The following LEKR1 variants were observed in gnomAD, a reference collection of about 807,000 sequenced individuals.
LEKR1 encodes the protein protein LEKR1.
A neutral mutation model predicts 72.4 loss-of-function variants in LEKR1; 59 were observed. The ratio of observed to expected loss-of-function variants is 0.82; its 90% CI spans 0.66 to 1.01. The LOEUF is 1.01. Ranked by LOEUF, LEKR1 falls within the 50% of genes least tolerant of loss-of-function variation. LEKR1 has a pLI of 0.00. For synonymous variants in LEKR1, 257 were observed against 263.2 expected (o/e 0.98, Z 0.23); for missense variants, 728 against 759.2 (o/e 0.96, Z 0.48).
At chr3:156,835,555 G>T (rs1712997884) in intron 2 of LEKR1, among the ~76,000 whole-genome samples, 1 of 152,172 alleles carries the variant, frequency 6.6e-6, no homozygotes, top group African/African-American at 2.4e-5. Flanking sequence ...TGAGGCTACT[G>T]GGCAACCCAA....
At chr3:156,974,317 C>T (rs1400256641) in intron 6 of LEKR1, among the ~76,000 whole-genome samples, 2 of 152,092 alleles carry the variant, frequency 1.3e-5, no homozygotes, top group Non-Finnish European at 2.9e-5. Flanking sequence ...ATTTTTAAAA[C>T]ACCTTCAAAA....
intron 2 of LEKR1, among the ~76,000 whole-genome samples, chr3:156,846,985 A>T (rs1253212693): frequency 6.6e-6 from 1 of 151,940 alleles, no homozygotes; most frequent in Non-Finnish European, 1.5e-5. Context: ...GCTAATTTTT[A>T]AAAAATTTTT....
intron 3 of LEKR1, among the ~76,000 whole-genome samples, chr3:156,871,125 G>T (rs1051185408): frequency 6.6e-6 from 1 of 150,416 alleles, no homozygotes; most frequent in Non-Finnish European, 1.5e-5. Flanking sequence ...ACCCACAACA[G>T]TCCCCAGAGT....
At chr3:156,966,877 C>A (rs1490274456) in intron 6 of LEKR1, among the ~76,000 whole-genome samples, 1 of 152,206 alleles carries the variant, frequency 6.6e-6, no homozygotes, top group Admixed American at 6.5e-5. Flanking sequence ...GAGGCACCCC[C>A]CAGTAGGGGC....
At chr3:156,837,633 T>G (rs968717274) in intron 2 of LEKR1, among the ~76,000 whole-genome samples, 48 of 152,222 alleles carry the variant, frequency 3.2e-4, no homozygotes, top group African/African-American at 1.1e-3. Context: ...AGATAAAAAC[T>G]GAGAGGAAAG....
rs1340513188 is a variant in LEKR1, at chr3:156,975,893, C to T, written c.746-3301C>T. The stretch of plus-strand genomic sequence containing the variant: ...TTTGTAGGCATTTAGGGCCTTGTTC[C>T]TCATAATCCAATGTCATGCTGAGTG... On this transcript the variant is annotated intron_variant, in intron 6 of 12. Transcript: ENST00000356539. Among the ~76,000 whole-genome samples the T allele has an allele frequency of 2.0e-5, 3 of 152,118 alleles. No homozygotes were observed. The East Asian group carries it at 5.8e-4, about 29-fold the overall frequency.
At chr3:156,842,588 A>G (rs1269992399) in intron 2 of LEKR1, among the ~76,000 whole-genome samples, 1 of 152,204 alleles carries the variant, frequency 6.6e-6, no homozygotes, top group Non-Finnish European at 1.5e-5. Context: ...GCCACACTGT[A>G]CTATTAATGC....
chr3:156,841,267 GA>G (rs1713868178), intron 2 of LEKR1, among the ~76,000 whole-genome samples: 1 of 152,180 alleles, frequency 6.6e-6, no homozygotes. Flanking sequence ...TTTCTGGTGA[GA>G]AAAGCTGGCC....
intron 6 of LEKR1, among the ~76,000 whole-genome samples, chr3:156,976,181 G>A (rs1326708642): frequency 1.3e-5 from 2 of 152,118 alleles, no homozygotes; most frequent in Non-Finnish European, 2.9e-5. Flanking sequence ...ATTCAGAAGA[G>A]CAAAGCTTTG....
At chr3:157,012,234 C>T (rs1337741747) in intron 10 of LEKR1, among the ~76,000 whole-genome samples, 1 of 152,110 alleles carries the variant, frequency 6.6e-6, no homozygotes, top group Non-Finnish European at 1.5e-5. Flanking sequence ...ATTCTACACA[C>T]TGACCCAAAG....
At position 156,852,782 on chromosome 3, in the gene LEKR1, A is replaced by C; in HGVS notation, c.63A>C (p.Glu21Asp). 2 of 1,519,014 alleles carry C rather than the reference A, an allele frequency of 1.3e-6. No individual in the cohort carries two copies. The highest frequency in any genetic ancestry group is 1.2e-5 in the South Asian group (1 of 80,514). 94.1% of individuals were successfully genotyped at this position (1,519,014 alleles called of 1,614,324 possible). A position where few individuals can be genotyped will look rare whatever the true frequency, so the allele number is the denominator to read the frequency against. The change falls in exon 3 of 13, where the codon GAA (glutamate) becomes GAC (aspartate). Residue 21 changes from glutamate to aspartate, a missense_variant. Glu to Asp is a conservative substitution (Grantham distance 45). Transcript: ENST00000356539. ...PEEIQKMLPEEKVCKYCGVSY... is the reference protein window; with the variant it reads ...PEEIQKMLPEDKVCKYCGVSY... ...CTGTTTCCTAGATGTTGCCTGAAGA[A>C]AAAGTTTGTAAGTACTGTGGAGTCA...
At chr3:156,994,520 C>T (rs948610911) in intron 9 of LEKR1, among the ~76,000 whole-genome samples, 1 of 152,168 alleles carries the variant, frequency 6.6e-6, no homozygotes, top group East Asian at 1.9e-4. Flanking sequence ...GTACCCTCTA[C>T]TTAACTGACT....
chr3:156,835,924 A>G (rs1254530780), intron 2 of LEKR1, among the ~76,000 whole-genome samples: 1 of 116,104 alleles, frequency 8.6e-6, no homozygotes, highest in Non-Finnish European at 1.6e-5. Flanking sequence ...CCAAGGCTGG[A>G]GTGCAGTGGT....
chr3:156,874,541 C>A (rs373803661), intron 3 of LEKR1, among the ~76,000 whole-genome samples: 2 of 150,472 alleles, frequency 1.3e-5, no homozygotes, highest in Admixed American at 6.6e-5. Context: ...TTTTAAAAAA[C>A]TTTTTTTTTT....
chr3:156,919,424 A>G (rs1292435759), intron 3 of LEKR1, among the ~76,000 whole-genome samples: 1 of 152,174 alleles, frequency 6.6e-6, no homozygotes, highest in Non-Finnish European at 1.5e-5. Flanking sequence ...CTATGCTGCC[A>G]TTAAAAACCA....
intron 9 of LEKR1, among the ~76,000 whole-genome samples, chr3:157,003,197 G>T (rs542646729): frequency 1.3e-5 from 2 of 152,290 alleles, no homozygotes; most frequent in South Asian, 4.1e-4. Context: ...CACATGACTA[G>T]ACACATTTAT....
In LEKR1 at chr3:157,028,383, T is replaced by A; in HGVS notation, c.1649T>A (p.Phe550Tyr). Residue 550 changes from phenylalanine to tyrosine, a missense_variant, in exon 12 of 13, where the codon TTT (phenylalanine) becomes TAT (tyrosine). By Grantham distance (22) the Phe-to-Tyr change is conservative. Coordinates refer to ENST00000356539, the MANE Select transcript of LEKR1 (RefSeq NM_001004316.3). ...MLAQTQLIEQ[F>Y]NQSQEENTFL... The stretch of plus-strand genomic sequence containing the variant: ...GCTCAAACACAACTGATAGAGCAAT[T>A]TAACCAGTCCCAGGAAGAGGTAGGA... 5 of 1,605,074 alleles carry A rather than the reference T, an allele frequency of 3.1e-6. No individual in the cohort carries two copies. The highest frequency in any genetic ancestry group is 4.3e-6 in the Non-Finnish European group (5 of 1,175,270).
intron 9 of LEKR1, among the ~76,000 whole-genome samples, chr3:157,001,347 G>T (rs1015612364): frequency 1.1e-4 from 16 of 152,152 alleles, no homozygotes; most frequent in Admixed American, 7.9e-4. Flanking sequence ...TTTAACAGAG[G>T]CAGGAGTTGT....
chr3:156,960,474 C>T (rs763603100), intron 6 of LEKR1, among the ~76,000 whole-genome samples: 2 of 151,942 alleles, frequency 1.3e-5, no homozygotes, highest in Admixed American at 6.6e-5. Flanking sequence ...TTAGTAGAGA[C>T]GGGGTTTCAC....
Sources: allele counts gnomAD v4.1 joint callset (sites outside exome capture counted in the v4.1 genomes callset), GRCh38; gene constraint gnomAD v4.1.1; transcripts MANE v1.5; gene names NCBI Gene and HGNC (gene_info 2026-07-23, HGNC 2026-07-21).